WDR41: variants seen among roughly 807,000 people sequenced by gnomAD.
WDR41 encodes WD repeat-containing protein 41.
WDR41 carries 63 observed loss-of-function variants against 69.3 expected under a neutral mutation model. The observed-to-expected ratio is 0.91, with a 90% CI of 0.74 to 1.12. The LOEUF is 1.12. Among genes scored for constraint, WDR41 ranks in the 50% most tolerant of loss-of-function variants. WDR41 has a pLI of 0.00. For missense variants in WDR41, 543 were observed against 534.5 expected, an observed-to-expected ratio of 1.02 and a Z score of -0.16; for synonymous variants, 185 against 192.1, an observed-to-expected ratio of 0.96 and a Z score of 0.31.
intron 1 of WDR41, among the ~76,000 whole-genome samples, chr5:77,609,701 T>C (rs533727668): frequency 6.6e-6 from 1 of 151,710 alleles, no homozygotes; most frequent in African/African-American, 2.4e-5. Flanking sequence ...ACCACAAAGA[T>C]GGGGAAAAAA....
intron 1 of WDR41, among the ~76,000 whole-genome samples, chr5:77,592,832 G>T (rs1240128567): frequency 6.6e-6 from 1 of 152,286 alleles, no homozygotes; most frequent in South Asian, 2.1e-4. Context: ...TAGGTATGGA[G>T]AACCCTTGTG....
chr5:77,590,329 C>A (rs541809622), intron 1 of WDR41, among the ~76,000 whole-genome samples: 69 of 152,238 alleles, frequency 4.5e-4, no homozygotes, highest in African/African-American at 1.6e-3. Flanking sequence ...ACGATAGGTT[C>A]ACATGACTGA....
Position 77,453,697 on chromosome 5 carries a change from CA to C in WDR41, c.523+119del, listed in dbSNP as rs912089336. The C allele has an allele frequency of 7.2e-5, 52 of 722,910 alleles. No homozygotes were observed. The African/African-American group carries it at 8.7e-4, about 12-fold the overall frequency. The allele number at this position is 722,910 out of a possible 1,614,324, so 44.8% of individuals were successfully genotyped here. A position where few individuals can be genotyped will look rare whatever the true frequency, so the allele number is the denominator to read the frequency against. On this transcript the variant is annotated intron_variant, in intron 6 of 12. Coordinates refer to ENST00000296679, the MANE Select transcript of WDR41 (RefSeq NM_018268.4). Reference sequence around the variant, plus strand: ...ATTGAATATGGCTACCTGTTATCTTCAGAACTGAAAAAGAAAAATCCCCTAT... The same window carrying C: ...ATTGAATATGGCTACCTGTTATCTTCGAACTGAAAAAGAAAAATCCCCTAT...
In WDR41 at chr5:77,442,855, G is replaced by C. The variant is rs1381604690; in HGVS notation, c.698-1858C>G. On this transcript the variant is annotated intron_variant, in intron 8 of 12. Transcript: ENST00000296679. Reference sequence around the variant, plus strand: ...TGCAGTAAGCCGAGATCGCGCCACTGCCCTCCAGCCTGGGCGACAGAGCGA... The same window carrying C: ...TGCAGTAAGCCGAGATCGCGCCACTCCCCTCCAGCCTGGGCGACAGAGCGA... 2.2e-5 allele frequency among the ~76,000 whole-genome samples: 3 copies of C among 133,424 alleles called. No homozygotes were observed. In the East Asian group the frequency reaches 6.6e-4, roughly 29 times the overall value. The allele number at this position is 133,424 out of a possible 152,430, so 87.5% of individuals were successfully genotyped here. A position where few individuals can be genotyped will look rare whatever the true frequency, so the allele number is the denominator to read the frequency against.
At chr5:77,474,689 CACAA>C (rs140552059) in intron 2 of WDR41, among the ~76,000 whole-genome samples, 15,697 of 152,068 alleles carry the variant, frequency 0.1, 991 homozygotes, top group Middle Eastern at 0.19. Context: ...TTTTTTAGCT[CACAA>C]ACAAAGATTG....
intron 1 of WDR41, among the ~76,000 whole-genome samples, chr5:77,613,517 C>A (rs1329614011): frequency 6.6e-6 from 1 of 152,136 alleles, no homozygotes; most frequent in South Asian, 2.1e-4. Flanking sequence ...TGATCTTTGA[C>A]AAACCTGAGA....
intron 1 of WDR41, among the ~76,000 whole-genome samples, chr5:77,513,588 T>C (rs1284658808): frequency 6.6e-6 from 1 of 152,200 alleles, no homozygotes; most frequent in Non-Finnish European, 1.5e-5. Context: ...AGTTACTTTG[T>C]ACACAATACT....
chr5:77,441,115 C>A, intron 8 of WDR41, 118 bp from the exon 9 acceptor site: 3 of 993,440 alleles, frequency 3.0e-6, no homozygotes, highest in South Asian at 2.8e-5. Flanking sequence ...CAGTGAGGTA[C>A]CTAGGCAAGC....
intron 2 of WDR41, among the ~76,000 whole-genome samples, chr5:77,468,085 C>T (rs1214041012): frequency 6.6e-6 from 1 of 151,830 alleles, no homozygotes; most frequent in Non-Finnish European, 1.5e-5. Flanking sequence ...AATGACTAAG[C>T]AAAACTTACA....
chr5:77,560,831 A>G (rs190204749), intron 1 of WDR41, among the ~76,000 whole-genome samples: 2 of 152,248 alleles, frequency 1.3e-5, no homozygotes, highest in African/African-American at 4.8e-5. Context: ...AGGTTTTCCT[A>G]ATTATGGATT....
chr5:77,527,581 C>T (rs1405418311), intron 1 of WDR41, among the ~76,000 whole-genome samples: 1 of 151,688 alleles, frequency 6.6e-6, no homozygotes, highest in Admixed American at 6.6e-5. Context: ...ACAATTTAAA[C>T]AGAAGAAGAA....
chr5:77,530,985 G>T (rs889769531), intron 1 of WDR41, among the ~76,000 whole-genome samples: 1 of 151,326 alleles, frequency 6.6e-6, no homozygotes, highest in Non-Finnish European at 1.5e-5. Flanking sequence ...CCCTTACCTC[G>T]CTTGTTATAC....
intron 1 of WDR41, among the ~76,000 whole-genome samples, chr5:77,608,829 C>T (rs950463463): frequency 1.1e-4 from 16 of 152,176 alleles, no homozygotes; most frequent in East Asian, 1.9e-4. Flanking sequence ...GTGCACCGTG[C>T]GCAAGCCGAA....
At chr5:77,521,467 G>C in intron 1 of WDR41, among the ~76,000 whole-genome samples, 1 of 152,154 alleles carries the variant, frequency 6.6e-6, no homozygotes, top group East Asian at 1.9e-4. Context: ...AAAATACTTT[G>C]TTTCCCTAGA....
At chr5:77,506,814 A>T (rs181289874) in intron 1 of WDR41, among the ~76,000 whole-genome samples, 2 of 151,242 alleles carry the variant, frequency 1.3e-5, no homozygotes, top group Non-Finnish European at 2.9e-5. Context: ...ATATGTTCTC[A>T]GTCATTGGTG....
chr5:77,515,203 T>C (rs941404090), intron 1 of WDR41, among the ~76,000 whole-genome samples: 11 of 152,180 alleles, frequency 7.2e-5, no homozygotes, highest in African/African-American at 2.7e-4. Flanking sequence ...AAATGTTTTC[T>C]TTATATACTT....
chr5:77,505,277 A>G (rs1302969036), intron 1 of WDR41, among the ~76,000 whole-genome samples: 2 of 152,210 alleles, frequency 1.3e-5, no homozygotes, highest in Admixed American at 1.3e-4. Context: ...CCCATTTACA[A>G]TTGCTACAAA....
At chr5:77,537,998 G>A (rs7714544) in intron 1 of WDR41, among the ~76,000 whole-genome samples, 1 of 152,068 alleles carries the variant, frequency 6.6e-6, no homozygotes, top group African/African-American at 2.4e-5. Flanking sequence ...TGCATAGATT[G>A]TGTAGATGTC....
At chr5:77,614,595 A>G (rs1384242394) in intron 1 of WDR41, among the ~76,000 whole-genome samples, 1 of 140,240 alleles carries the variant, frequency 7.1e-6, no homozygotes, top group Non-Finnish European at 1.5e-5. Flanking sequence ...GAATTGAACA[A>G]TGAGAACACA....
Sources: allele counts gnomAD v4.1 joint callset (sites outside exome capture counted in the v4.1 genomes callset), GRCh38; gene constraint gnomAD v4.1.1; transcripts MANE v1.5; gene names NCBI Gene and HGNC (gene_info 2026-07-23, HGNC 2026-07-21).